IFRD1: variants seen among roughly 807,000 people sequenced by gnomAD.
IFRD1 encodes the protein interferon related developmental regulator 1.
IFRD1 carries 35 observed loss-of-function variants against 52.9 expected under a neutral mutation model. The observed-to-expected ratio is 0.66, with a 90% CI of 0.51 to 0.88. The LOEUF (loss-of-function observed/expected upper bound fraction) is 0.88, where lower values mean the gene tolerates loss of function less well. IFRD1 is among the 40% of genes least tolerant of loss of function. IFRD1 has a pLI of 0.00. For synonymous variants in IFRD1, 184 were observed against 188.4 expected (o/e 0.98, Z 0.19); for missense variants, 517 against 550.8 (o/e 0.94, Z 0.61).
rs564857941 is a variant in IFRD1 at position 112,428,480 on chromosome 7, A to C, written c.-182+5048A>C. ...AAGGTACTGGAATGAAGAATGAAGA[A>C]ATAAATGAACTTGAGAAATACTTAG... On this transcript the variant is annotated intron_variant, in intron 1 of 12. Coordinates refer to the IFRD1 transcript ENST00000005558. 2.6e-5 allele frequency among the ~76,000 whole-genome samples: 4 copies of C among 152,294 alleles called. No individual in the cohort carries two copies. The East Asian group carries it at 7.7e-4, about 29-fold the overall frequency.
intron 11 of IFRD1, among the ~76,000 whole-genome samples, chr7:112,474,586 G>A (rs1312970669): frequency 6.6e-6 from 1 of 151,494 alleles, no homozygotes; most frequent in African/African-American, 2.4e-5. Context: ...TAATTTTTTT[G>A]AAGAAATCCC....
chr7:112,461,128 A>C (rs1795422490), intron 5 of IFRD1, among the ~76,000 whole-genome samples: 2 of 152,050 alleles, frequency 1.3e-5, no homozygotes, highest in Admixed American at 1.3e-4. Flanking sequence ...GCCTCTTTTC[A>C]GCATAATCCA....
At chr7:112,468,264 T>G in intron 9 of IFRD1, 149 bp downstream of exon 9, 1 of 773,858 alleles carries the variant, frequency 1.3e-6, no homozygotes, top group Non-Finnish European at 2.1e-6. Context: ...ACAATATAAG[T>G]GAAGACTTTT....
upstream of IFRD1, among the ~76,000 whole-genome samples, chr7:112,446,756 T>G (rs1162491041): frequency 9.2e-5 from 14 of 152,094 alleles, no homozygotes; most frequent in Non-Finnish European, 4.4e-5. Context: ...GAACTTTGTG[T>G]TTTTAAGTTG....
At chr7:112,427,534 TCTTTC>T (rs1794453449) in intron 1 of IFRD1, among the ~76,000 whole-genome samples, 1 of 152,228 alleles carries the variant, frequency 6.6e-6, no homozygotes, top group African/African-American at 2.4e-5. Context: ...TAAACTCCTT[TCTTTC>T]ATTTTTAAAA....
chr7:112,446,920 G>A (rs1184664878), upstream of IFRD1, among the ~76,000 whole-genome samples: 2 of 152,142 alleles, frequency 1.3e-5, no homozygotes, highest in African/African-American at 4.8e-5. Context: ...CATTAGGAAA[G>A]GGACTGTGTT....
intron 1 of IFRD1, among the ~76,000 whole-genome samples, chr7:112,439,773 T>TTTATAAGAGGAATCAA (rs1437174862): frequency 6.6e-6 from 1 of 152,098 alleles, no homozygotes; most frequent in Non-Finnish European, 1.5e-5. Context: ...GAATAAACCA[T>TTTATAAGAGGAATCAA]TTATAAGAGG....
At chr7:112,448,104 C>G (rs1173081935), upstream of IFRD1, among the ~76,000 whole-genome samples, 1 of 126,542 alleles carries the variant, frequency 7.9e-6, no homozygotes, top group Non-Finnish European at 1.6e-5. Flanking sequence ...AAGATTTTTT[C>G]AAGTTCCTGG....
intron 5 of IFRD1, among the ~76,000 whole-genome samples, chr7:112,460,055 C>G (rs1209304561): frequency 6.6e-6 from 1 of 152,112 alleles, no homozygotes; most frequent in Non-Finnish European, 1.5e-5. Flanking sequence ...TAATTTCATG[C>G]TAGAATGACA....
chr7:112,458,792 G>C, intron 4 of IFRD1, 69 bp from the exon 5 acceptor site: 1 of 1,425,204 alleles, frequency 7.0e-7, no homozygotes, highest in East Asian at 2.3e-5. Context: ...TCAAATTTGG[G>C]AAATAACTGT....
chr7:112,456,260 A>T (rs925947736), intron 3 of IFRD1, among the ~76,000 whole-genome samples, 174 bp downstream of exon 3: 1 of 152,186 alleles, frequency 6.6e-6, no homozygotes, highest in Non-Finnish European at 1.5e-5. Context: ...TTTACTTTGG[A>T]TGTTTCTTAT....
chr7:112,446,700 C>G (rs1288143293), upstream of IFRD1, among the ~76,000 whole-genome samples: 1 of 152,094 alleles, frequency 6.6e-6, no homozygotes, highest in African/African-American at 2.4e-5. Flanking sequence ...TCGGGTTGAT[C>G]ATATCAGGCA....
rs567499828 is a variant in IFRD1 at position 112,441,616 on chromosome 7, T to G, written c.-181-8892T>G. ...TTCTCTCCTCTCTGCAAACTGTCTT[T>G]CTTGTTTTTTCATGTCTGTGGTGGG... On this transcript the variant is annotated intron_variant, in intron 1 of 12. Coordinates refer to the IFRD1 transcript ENST00000005558. 1.3e-4 allele frequency among the ~76,000 whole-genome samples: 20 copies of G among 152,324 alleles called. No individual in the cohort carries two copies. In the South Asian group the frequency reaches 3.9e-3, roughly 30 times the overall value.
intron 1 of IFRD1, among the ~76,000 whole-genome samples, chr7:112,440,965 G>A (rs886356286): frequency 2.0e-5 from 3 of 151,948 alleles, no homozygotes; most frequent in Admixed American, 1.3e-4. Context: ...GCAAAACCCC[G>A]TCTCTACAAA....
chr7:112,466,081 T>A (rs1223134916), intron 8 of IFRD1, among the ~76,000 whole-genome samples: 1 of 152,074 alleles, frequency 6.6e-6, no homozygotes, highest in East Asian at 1.9e-4. Flanking sequence ...TGGTTTTTTT[T>A]ATTATTATAA....
intron 1 of IFRD1, among the ~76,000 whole-genome samples, chr7:112,445,308 C>T (rs1033123574): frequency 5.3e-5 from 8 of 152,100 alleles, no homozygotes; most frequent in East Asian, 3.9e-4. Context: ...CCTTGTGATC[C>T]GCCCACCTTG....
chr7:112,462,254 A>G lies in IFRD1; in HGVS notation c.798-16A>G. The G allele has an allele frequency of 6.2e-7, 1 of 1,604,756 alleles. No individual in the cohort carries two copies. The highest frequency in any genetic ancestry group is 8.5e-7 in the Non-Finnish European group (1 of 1,171,824). ...AATTGGTTGTATTCACATAGTAATG[A>G]CTAACTATTTTTTAGGCATTTCCAT... On this transcript the variant is annotated splice_polypyrimidine_tract_variant and intron_variant, in intron 7 of 11. Coordinates refer to ENST00000403825, the MANE Select transcript of IFRD1 (RefSeq NM_001550.4).
intron 8 of IFRD1, among the ~76,000 whole-genome samples, chr7:112,462,617 C>A (rs1349917498): frequency 6.6e-6 from 1 of 152,106 alleles, no homozygotes; most frequent in Non-Finnish European, 1.5e-5. Flanking sequence ...ATCTATAGAA[C>A]TGAAGTTTAG....
chr7:112,431,566 A>G (rs1329253184), intron 1 of IFRD1, among the ~76,000 whole-genome samples: 2 of 152,184 alleles, frequency 1.3e-5, no homozygotes, highest in Non-Finnish European at 2.9e-5. Context: ...CCTTATATCT[A>G]TGCAGTCCTC....
Sources: allele counts gnomAD v4.1 joint callset (sites outside exome capture counted in the v4.1 genomes callset), GRCh38; gene constraint gnomAD v4.1.1; transcripts MANE v1.5; gene names NCBI Gene and HGNC (gene_info 2026-07-23, HGNC 2026-07-21).